The following MSI2 variants were observed in gnomAD, a reference collection of about 807,000 sequenced individuals.
The protein encoded by MSI2 is RNA-binding protein Musashi homolog 2.
MSI2 carries 17 observed loss-of-function variants against 45.6 expected under a neutral mutation model. The observed-to-expected ratio is 0.37, with a 90% CI of 0.26 to 0.56. The LOEUF is 0.56. Among genes scored for constraint, MSI2 ranks in the 20% least tolerant of loss-of-function variants. The pLI, the probability that MSI2 is intolerant of heterozygous loss-of-function variation, is 0.77. For synonymous variants in MSI2, 156 were observed against 158.2 expected (o/e 0.99, Z 0.11); for missense variants, 293 against 444.2 (o/e 0.66, Z 3.06).
At chr17:57,514,419 A>C (rs1363281831) in intron 6 of MSI2, among the ~76,000 whole-genome samples, 1 of 152,108 alleles carries the variant, frequency 6.6e-6, no homozygotes, top group Non-Finnish European at 1.5e-5. Context: ...TTCTTGTTTA[A>C]TTTCCTTTTT....
chr17:57,297,756 T>G (rs1467796888), intron 5 of MSI2, among the ~76,000 whole-genome samples: 1 of 152,238 alleles, frequency 6.6e-6, no homozygotes, highest in Non-Finnish European at 1.5e-5. Context: ...TACTTTTAGG[T>G]AATATTATTA....
chr17:57,465,660 C>T (rs2085317240), intron 6 of MSI2, among the ~76,000 whole-genome samples: 1 of 152,088 alleles, frequency 6.6e-6, no homozygotes, highest in Admixed American at 6.5e-5. Flanking sequence ...CTGGCCTTCC[C>T]TTTTCAGAGG....
intron 5 of MSI2, chr17:57,268,091 T>C (rs562178022): frequency 3.9e-5 from 6 of 152,346 alleles, no homozygotes; most frequent in African/African-American, 1.4e-4. Flanking sequence ...GTTAAGCCCC[T>C]TCCAACAATA....
intron 5 of MSI2, among the ~76,000 whole-genome samples, chr17:57,329,270 TA>T (rs1914062697): frequency 1.3e-5 from 2 of 152,362 alleles, no homozygotes; most frequent in African/African-American, 4.8e-5. Context: ...CACCTTCAAT[TA>T]CATTTGGAAA....
chr17:57,625,053 G>A (rs543683403), intron 9 of MSI2, among the ~76,000 whole-genome samples: 1 of 152,262 alleles, frequency 6.6e-6, no homozygotes, highest in East Asian at 1.9e-4. Context: ...TGTTGGAAGG[G>A]GTGAGGGTCT....
intron 6 of MSI2, among the ~76,000 whole-genome samples, chr17:57,512,365 G>A (rs1283282245): frequency 6.6e-6 from 1 of 152,172 alleles, no homozygotes; most frequent in Non-Finnish European, 1.5e-5. Context: ...CTGAACAGAA[G>A]GAGCTCATTC....
intron 6 of MSI2, among the ~76,000 whole-genome samples, chr17:57,520,002 G>A (rs1457461664): frequency 6.6e-6 from 1 of 151,482 alleles, no homozygotes; most frequent in Non-Finnish European, 1.5e-5. Context: ...TACCAGCCTG[G>A]GCAGACAAAT....
intron 6 of MSI2, among the ~76,000 whole-genome samples, chr17:57,442,003 TC>T (rs2084807855): frequency 6.6e-6 from 1 of 151,752 alleles, no homozygotes; most frequent in South Asian, 2.1e-4. Flanking sequence ...TAAACTGGCC[TC>T]CGCGTGGGTT....
At chr17:57,351,733 G>A (rs1916047638) in intron 5 of MSI2, among the ~76,000 whole-genome samples, 2 of 152,332 alleles carry the variant, frequency 1.3e-5, no homozygotes, top group South Asian at 2.1e-4. Flanking sequence ...GCGCATGCCT[G>A]TAATCCCAGC....
intron 6 of MSI2, among the ~76,000 whole-genome samples, chr17:57,454,469 G>A (rs529109206): frequency 1.1e-4 from 14 of 123,820 alleles, no homozygotes; most frequent in African/African-American, 2.9e-4. Context: ...ATGGATTCTC[G>A]CTCTGTCTCC....
chr17:57,576,165 C>G (rs193257844), intron 7 of MSI2, among the ~76,000 whole-genome samples: 97 of 152,304 alleles, frequency 6.4e-4, no homozygotes, highest in African/African-American at 2.1e-3. Flanking sequence ...AACACTGGCT[C>G]TGTGCTGGGC....
In MSI2 at chr17:57,681,125, C is replaced by T. The variant is rs1291632467; in HGVS notation, c.*1608C>T. 1 of 187,022 alleles carries T rather than the reference C, an allele frequency of 5.3e-6. No individual in the cohort carries two copies. The highest frequency in any genetic ancestry group is 1.1e-5 in the Non-Finnish European group (1 of 88,598). The allele number at this position is 187,022 out of a possible 1,614,324, so 11.6% of individuals were successfully genotyped here. A position where few individuals can be genotyped will look rare whatever the true frequency, so the allele number is the denominator to read the frequency against. On this transcript the variant is annotated 3_prime_UTR_variant, in exon 14 of 14. Transcript: ENST00000284073. ...AATAAAAAGTATAAACATCACTGCA[C>T]TGTGACTGGTGGGAAAAACTGACAG...
intron 6 of MSI2, chr17:57,450,322 A>AGAGAGAAAGAGAGAGAGAGAG (rs1567831014): frequency 6.7e-6 from 1 of 148,304 alleles, no homozygotes; most frequent in African/African-American, 2.5e-5. Flanking sequence ...AAAGAAAGAA[A>AGAGAGAAAGAGAGAGAGAGAG]ACCTTTGTTA....
At chr17:57,668,429 C>G (rs1226918456) in intron 11 of MSI2, among the ~76,000 whole-genome samples, 2 of 152,198 alleles carry the variant, frequency 1.3e-5, no homozygotes, top group Non-Finnish European at 2.9e-5. Context: ...TAATGTCCAT[C>G]AGTTCCCTAC....
intron 7 of MSI2, among the ~76,000 whole-genome samples, chr17:57,567,164 C>T (rs1434039074): frequency 6.6e-6 from 1 of 152,162 alleles, no homozygotes; most frequent in Non-Finnish European, 1.5e-5. Flanking sequence ...ACATTGCTAT[C>T]AACCAGTTGG....
intron 5 of MSI2, among the ~76,000 whole-genome samples, chr17:57,344,341 C>G (rs899058313): frequency 6.6e-6 from 1 of 152,214 alleles, no homozygotes; most frequent in Non-Finnish European, 1.5e-5. Flanking sequence ...TTTTGGTGCT[C>G]AAATTGGCCC....
At chr17:57,421,444 G>A (rs2084394224) in intron 6 of MSI2, among the ~76,000 whole-genome samples, 1 of 152,114 alleles carries the variant, frequency 6.6e-6, no homozygotes, top group South Asian at 2.1e-4. Flanking sequence ...CCTGAAGGTG[G>A]CAACAGTAAG....
chr17:57,521,565 G>C (rs2086584922), intron 6 of MSI2, among the ~76,000 whole-genome samples: 1 of 152,204 alleles, frequency 6.6e-6, no homozygotes, highest in African/African-American at 2.4e-5. Context: ...ATGAGGCAAG[G>C]AGTGCCTGCT....
At chr17:57,528,739 C>A (rs746729127) in intron 6 of MSI2, among the ~76,000 whole-genome samples, 6 of 152,170 alleles carry the variant, frequency 3.9e-5, no homozygotes, top group Admixed American at 6.5e-5. Flanking sequence ...GATAAGGACA[C>A]CAGTCATATT....
Sources: gnomAD v4.1 joint callset for allele counts (sites outside exome capture counted in the v4.1 genomes callset) on GRCh38, gnomAD v4.1.1 for gene constraint, MANE v1.5 for transcripts, NCBI Gene and HGNC (gene_info 2026-07-23, HGNC 2026-07-21) for gene names.